Variants in NRXN3 observed in about 807,000 individuals in gnomAD.
NRXN3 encodes the protein neurexin 3.
NRXN3 carries 32 observed loss-of-function variants against 137.6 expected under a neutral mutation model. The observed-to-expected ratio is 0.23, with a 90% CI of 0.18 to 0.31. The LOEUF (loss-of-function observed/expected upper bound fraction) is 0.31. NRXN3 is among the 10% of genes least tolerant of loss of function. The pLI, the probability that NRXN3 is intolerant of heterozygous loss-of-function variation, is 1.00. For missense variants in NRXN3, 1,574 were observed against 2,062.5 expected, an observed-to-expected ratio of 0.76 and a Z score of 4.59; for synonymous variants, 798 against 784.5, an observed-to-expected ratio of 1.02 and a Z score of -0.29.
intron 19 of NRXN3, among the ~76,000 whole-genome samples, chr14:79,740,710 T>TA (rs2098958360): frequency 8.1e-5 from 6 of 73,686 alleles, no homozygotes; most frequent in African/African-American, 3.2e-4. Flanking sequence ...GCATTTAGTT[T>TA]TTTATATATA....
chr14:78,546,836 A>G (rs2096640690), intron 4 of NRXN3, among the ~76,000 whole-genome samples: 1 of 152,152 alleles, frequency 6.6e-6, no homozygotes, highest in African/African-American at 2.4e-5. Flanking sequence ...TTTTCTTACC[A>G]TATCCATTTT....
intron 10 of NRXN3, among the ~76,000 whole-genome samples, chr14:78,823,663 A>T (rs923850693): frequency 6.6e-6 from 1 of 152,210 alleles, no homozygotes; most frequent in African/African-American, 2.4e-5. Context: ...CCTCTGGCAA[A>T]AGCTGAGAGC....
intron 15 of NRXN3, among the ~76,000 whole-genome samples, chr14:79,130,911 C>T (rs577302972): frequency 2.3e-3 from 343 of 152,228 alleles, no homozygotes; most frequent in African/African-American, 7.8e-3. Flanking sequence ...CTTCCCTTCT[C>T]GCTTCATTTC....
intron 6 of NRXN3, among the ~76,000 whole-genome samples, chr14:78,668,466 A>G (rs1567017823): frequency 6.6e-6 from 1 of 152,148 alleles, no homozygotes; most frequent in Non-Finnish European, 1.5e-5. Context: ...GAAATATTTG[A>G]CAATATCTGG....
At chr14:78,175,107 C>T (rs998985891) in intron 1 of NRXN3, among the ~76,000 whole-genome samples, 4 of 152,148 alleles carry the variant, frequency 2.6e-5, no homozygotes, top group African/African-American at 7.2e-5. Context: ...AACTACCGGA[C>T]GCCATTTTCC....
Position 79,720,311 on chromosome 14 carries a change from C to T in NRXN3, c.4014+22374C>T, listed in dbSNP as rs183376730. On this transcript the variant is annotated intron_variant, in intron 19 of 20. Transcript: ENST00000335750. The stretch of plus-strand genomic sequence containing the variant: ...GTCCCCATGATTCAGTTATCTCCTC[C>T]TTAATAATCCCCTTGATGCATGGGG... 7.7e-4 allele frequency among the ~76,000 whole-genome samples: 117 copies of T among 152,184 alleles called. 1 individual carries two copies. The highest frequency in any genetic ancestry group is 3.3e-3 in the Admixed American group (50 of 15,286).
At chr14:79,385,900 C>T (rs1001760442) in intron 15 of NRXN3, among the ~76,000 whole-genome samples, 34 of 152,230 alleles carry the variant, frequency 2.2e-4, no homozygotes, top group African/African-American at 7.7e-4. Context: ...TGACAAAATT[C>T]AACAGCCCTT....
chr14:79,814,430 C>A (rs2099245418), intron 20 of NRXN3, among the ~76,000 whole-genome samples: 1 of 152,122 alleles, frequency 6.6e-6, no homozygotes, highest in Non-Finnish European at 1.5e-5. Context: ...CACAAAGAAG[C>A]AAAACAAACT....
chr14:79,399,548 G>C (rs528502140), intron 15 of NRXN3, among the ~76,000 whole-genome samples: 1 of 152,044 alleles, frequency 6.6e-6, no homozygotes, highest in Non-Finnish European at 1.5e-5. Context: ...GTCTACAAAC[G>C]GCATGGTGGG....
Position 78,278,657 on chromosome 14 carries a change from A to G in NRXN3, c.722A>G (p.Asp241Gly). Reference sequence around the variant, plus strand: ...AATGCTGCCACAGATGTCAGTCAAGATCCAGGTGAGTCTTTGTGTTTGCAC... The same window carrying G: ...AATGCTGCCACAGATGTCAGTCAAGGTCCAGGTGAGTCTTTGTGTTTGCAC... Reference protein sequence around the residue: ...GKLCSEDVSQDPGLSHLMMSE... With the variant: ...GKLCSEDVSQGPGLSHLMMSE... Residue 241 changes from aspartate to glycine, a missense_variant, in exon 3 of 21, where the codon GAT (aspartate) becomes GGT (glycine). Around this residue, in one of 5 missense-constraint regions of NRXN3, gnomAD observed 400 missense variants for 527.3 expected, o/e 0.76. Transcript: ENST00000335750. The G allele has an allele frequency of 1.3e-6, 2 of 1,535,090 alleles. No homozygotes were observed. The highest frequency in any genetic ancestry group is 1.7e-6 in the Non-Finnish European group (2 of 1,146,500).
chr14:79,482,922 G>A (rs1035305302), intron 16 of NRXN3, among the ~76,000 whole-genome samples: 2 of 152,096 alleles, frequency 1.3e-5, no homozygotes, highest in African/African-American at 4.8e-5. Flanking sequence ...TTACTTAACT[G>A]AATGCTAGAA....
At chr14:78,212,253 T>C (rs1378722793) in intron 1 of NRXN3, among the ~76,000 whole-genome samples, 1 of 152,244 alleles carries the variant, frequency 6.6e-6, no homozygotes, top group Admixed American at 6.5e-5. Context: ...TACATGAAAA[T>C]GATTTATAAG....
chr14:79,133,949 A>G (rs1217961235), intron 15 of NRXN3, among the ~76,000 whole-genome samples: 1 of 122,930 alleles, frequency 8.1e-6, no homozygotes, highest in Non-Finnish European at 1.7e-5. Context: ...AAAAAAAAAA[A>G]AAGGAAAGAA....
intron 19 of NRXN3, among the ~76,000 whole-genome samples, chr14:79,775,660 C>A (rs17174897): frequency 0.1 from 15,850 of 151,700 alleles, 950 homozygotes; most frequent in Middle Eastern, 0.19. Flanking sequence ...CATTTTACCA[C>A]CCTAGGTCAG....
intron 16 of NRXN3, among the ~76,000 whole-genome samples, chr14:79,651,417 C>A (rs895059402): frequency 6.6e-6 from 1 of 152,112 alleles, no homozygotes; most frequent in Non-Finnish European, 1.5e-5. Context: ...CAGAAGAATG[C>A]AAAGGTGCTT....
chr14:79,738,529 C>T (rs1603457662), intron 19 of NRXN3, among the ~76,000 whole-genome samples: 1 of 152,084 alleles, frequency 6.6e-6, no homozygotes, highest in East Asian at 1.9e-4. Context: ...TTCTGGCCTC[C>T]AGAACTATGA....
chr14:78,881,242 C>T (rs2152647670), intron 10 of NRXN3, among the ~76,000 whole-genome samples: 1 of 151,724 alleles, frequency 6.6e-6, no homozygotes, highest in Non-Finnish European at 1.5e-5. Context: ...TGGACTAATA[C>T]AGTAAATTGG....
chr14:78,826,196 C>T (rs569947793), intron 10 of NRXN3, among the ~76,000 whole-genome samples: 35 of 152,190 alleles, frequency 2.3e-4, no homozygotes, highest in African/African-American at 8.2e-4. Flanking sequence ...GCTCCTTGTT[C>T]TAAAGGCAGA....
intron 4 of NRXN3, among the ~76,000 whole-genome samples, chr14:78,336,906 T>C (rs968722826): frequency 6.6e-6 from 1 of 152,204 alleles, no homozygotes; most frequent in African/African-American, 2.4e-5. Flanking sequence ...CATTGAATCC[T>C]ATGGGTCTCT....
Sources: allele counts gnomAD v4.1 joint callset (sites outside exome capture counted in the v4.1 genomes callset), GRCh38; gene constraint gnomAD v4.1.1; regional missense constraint gnomAD v4.1.1; transcripts MANE v1.5; gene names NCBI Gene and HGNC (gene_info 2026-07-23, HGNC 2026-07-21).